HEMK2: variants seen among roughly 807,000 people sequenced by gnomAD.
HEMK2 encodes the protein HemK methyltransferase 2, ETF1 glutamine and histone H4 lysine, also known as methyltransferase HEMK2.
At chr21:28,628,606 T>A in the HEMK2 span, among the ~76,000 whole-genome samples, 2 of 152,106 alleles carry the variant, frequency 1.3e-5, no homozygotes, top group South Asian at 2.1e-4. Flanking sequence ...GTGCCTGCCA[T>A]CACACCCAGC....
At chr21:28,685,642 C>T in the HEMK2 span, among the ~76,000 whole-genome samples, 2 of 152,058 alleles carry the variant, frequency 1.3e-5, no homozygotes, top group African/African-American at 4.8e-5. Flanking sequence ...TAAACAAAGC[C>T]GGATGCTAAA....
At chr21:28,857,129 A>T in the HEMK2 span, among the ~76,000 whole-genome samples, 1 of 152,128 alleles carries the variant, frequency 6.6e-6, no homozygotes, top group Non-Finnish European at 1.5e-5. Flanking sequence ...TTTCCCTTTT[A>T]AATTTGTTTT....
At chr21:28,608,845 G>A in the HEMK2 span, among the ~76,000 whole-genome samples, 1 of 151,996 alleles carries the variant, frequency 6.6e-6, no homozygotes, top group Non-Finnish European at 1.5e-5. Context: ...CATCCCCCGG[G>A]AAACATAATT....
chr21:28,850,378 C>T, the HEMK2 span, among the ~76,000 whole-genome samples: 1 of 152,036 alleles, frequency 6.6e-6, no homozygotes, highest in Admixed American at 6.5e-5. Context: ...GCGCCCGCCA[C>T]CACGCCCGGC....
the HEMK2 span, among the ~76,000 whole-genome samples, chr21:28,723,305 T>C: frequency 3.5e-4 from 53 of 152,314 alleles, no homozygotes; most frequent in Non-Finnish European, 6.3e-4. Context: ...CATGAGACAC[T>C]GTTCCTGGCC....
At chr21:28,694,774 G>A in the HEMK2 span, among the ~76,000 whole-genome samples, 11 of 152,088 alleles carry the variant, frequency 7.2e-5, no homozygotes, top group Non-Finnish European at 1.6e-4. Flanking sequence ...GGAGGATCAC[G>A]AGGTCAGGAG....
the HEMK2 span, chr21:28,674,534 T>G: frequency 6.6e-6 from 1 of 152,350 alleles, no homozygotes; most frequent in Admixed American, 6.5e-5. Context: ...GAGCTTGTCC[T>G]GCTTCTCTGG....
chr21:28,877,462 G>T, the HEMK2 span, among the ~76,000 whole-genome samples: 1 of 147,892 alleles, frequency 6.8e-6, no homozygotes, highest in Admixed American at 6.8e-5. Context: ...CAGAAGGAAG[G>T]AAAAAAAGAA....
the HEMK2 span, among the ~76,000 whole-genome samples, chr21:28,632,123 T>C: frequency 4.6e-5 from 7 of 152,318 alleles, no homozygotes; most frequent in Non-Finnish European, 7.4e-5. Context: ...AATGAGTGAG[T>C]TGAATAAGAC....
At chr21:28,776,126 C>A in the HEMK2 span, among the ~76,000 whole-genome samples, 1 of 152,166 alleles carries the variant, frequency 6.6e-6, no homozygotes, top group African/African-American at 2.4e-5. Flanking sequence ...GTCTAGCAGA[C>A]AGGCAGCGTC....
At chr21:28,607,011 T>C in the HEMK2 span, among the ~76,000 whole-genome samples, 1 of 152,154 alleles carries the variant, frequency 6.6e-6, no homozygotes, top group Non-Finnish European at 1.5e-5. Flanking sequence ...AAGAAACACA[T>C]ATCAATGAGT....
the HEMK2 span, among the ~76,000 whole-genome samples, chr21:28,754,514 G>C: frequency 6.6e-6 from 1 of 152,156 alleles, no homozygotes; most frequent in Non-Finnish European, 1.5e-5. Flanking sequence ...TTTAGCATGT[G>C]GGCAAAATGC....
the HEMK2 span, among the ~76,000 whole-genome samples, chr21:28,781,626 C>T: frequency 6.6e-6 from 1 of 152,190 alleles, no homozygotes; most frequent in Non-Finnish European, 1.5e-5. Context: ...GTTGTCCTCT[C>T]ACAGTGAATT....
At chr21:28,829,795 A>G in the HEMK2 span, among the ~76,000 whole-genome samples, 1 of 152,180 alleles carries the variant, frequency 6.6e-6, no homozygotes, top group African/African-American at 2.4e-5. Context: ...TGTTTCTAAA[A>G]CTTTGGAAAA....
the HEMK2 span, among the ~76,000 whole-genome samples, chr21:28,862,752 A>G: frequency 6.6e-6 from 1 of 152,200 alleles, no homozygotes; most frequent in African/African-American, 2.4e-5. Context: ...TGTTAAAAAC[A>G]TGTTTTTGCA....
At chr21:28,635,562 C>A in the HEMK2 span, among the ~76,000 whole-genome samples, 1 of 152,070 alleles carries the variant, frequency 6.6e-6, no homozygotes, top group Non-Finnish European at 1.5e-5. Flanking sequence ...GCAGCAGGCT[C>A]CATTCATTTA....
chr21:28,765,937 C>A, the HEMK2 span, among the ~76,000 whole-genome samples: 19 of 151,974 alleles, frequency 1.3e-4, no homozygotes, highest in Admixed American at 6.6e-5. Context: ...CAAGAATGGC[C>A]ATAATTCACA....
chr21:28,623,357 G>A, the HEMK2 span, among the ~76,000 whole-genome samples: 25 of 152,232 alleles, frequency 1.6e-4, no homozygotes, highest in African/African-American at 5.8e-4. Context: ...AGGATGTGGA[G>A]AAATGGGAAT....
the HEMK2 span, among the ~76,000 whole-genome samples, chr21:28,619,673 T>C: frequency 6.6e-6 from 1 of 152,202 alleles, no homozygotes; most frequent in Non-Finnish European, 1.5e-5. Context: ...TTGGAGAGAC[T>C]GCATTTTTGT....
Sources: allele counts gnomAD v4.1 joint callset (sites outside exome capture counted in the v4.1 genomes callset), GRCh38; gene constraint gnomAD v4.1.1; transcripts MANE v1.5; gene names NCBI Gene and HGNC (gene_info 2026-07-23, HGNC 2026-07-21).